The following GRM5 variants were observed in gnomAD, a reference collection of about 807,000 sequenced individuals.
The protein encoded by GRM5 is glutamate metabotropic receptor 5.
A neutral mutation model predicts 83.1 loss-of-function variants in GRM5; 19 were observed. The ratio of observed to expected loss-of-function variants is 0.23; its 90% CI spans 0.16 to 0.34. The LOEUF is 0.34. GRM5 is among the 10% of genes least tolerant of loss of function. The pLI, the probability that GRM5 is intolerant of heterozygous loss-of-function variation, is 1.00. For synonymous variants in GRM5, 675 were observed against 633.6 expected, an observed-to-expected ratio of 1.07 and a Z score of -0.98; for missense variants, 1,160 against 1,588.3, an observed-to-expected ratio of 0.73 and a Z score of 4.58.
chr11:88,825,312 C>T (rs1481742162), intron 3 of GRM5, among the ~76,000 whole-genome samples: 19 of 151,754 alleles, frequency 1.3e-4, no homozygotes, highest in Admixed American at 1.2e-3. Context: ...TTTTTGTGAA[C>T]ACCCCTCAAA....
intron 3 of GRM5, among the ~76,000 whole-genome samples, chr11:88,795,591 A>AT (rs1056434180): frequency 1.3e-5 from 2 of 152,192 alleles, no homozygotes; most frequent in African/African-American, 2.4e-5. Flanking sequence ...TATTGAACAG[A>AT]TTTTTTAATG....
At chr11:88,663,907 T>C (rs1041904602) in intron 3 of GRM5, among the ~76,000 whole-genome samples, 1 of 152,178 alleles carries the variant, frequency 6.6e-6, no homozygotes, top group Non-Finnish European at 1.5e-5. Context: ...TCAATGAATA[T>C]AAACCTCACC....
At chr11:88,843,809 G>C (rs1944249908) in intron 3 of GRM5, among the ~76,000 whole-genome samples, 1 of 152,156 alleles carries the variant, frequency 6.6e-6, no homozygotes, top group Admixed American at 6.5e-5. Flanking sequence ...AAGTTTTCAT[G>C]GTCTTGATAG....
At chr11:88,919,758 T>C (rs1343825792) in intron 2 of GRM5, among the ~76,000 whole-genome samples, 1 of 151,906 alleles carries the variant, frequency 6.6e-6, no homozygotes, top group Non-Finnish European at 1.5e-5. Flanking sequence ...CTTTGGAAAC[T>C]ATAAAAACAC....
At chr11:88,931,309 A>G (rs1937697176) in intron 2 of GRM5, among the ~76,000 whole-genome samples, 1 of 152,006 alleles carries the variant, frequency 6.6e-6, no homozygotes, top group Non-Finnish European at 1.5e-5. Context: ...TGATTATGCT[A>G]CATAATTGAG....
At chr11:88,890,117 C>T (rs377047323) in intron 2 of GRM5, among the ~76,000 whole-genome samples, 137 of 151,156 alleles carry the variant, frequency 9.1e-4, no homozygotes, top group African/African-American at 2.6e-3. Context: ...ATGGAAACAT[C>T]CCCACATCCC....
intron 9 of GRM5, among the ~76,000 whole-genome samples, chr11:88,524,591 G>A (rs1941816774): frequency 6.6e-6 from 1 of 152,226 alleles, no homozygotes; most frequent in South Asian, 2.1e-4. Context: ...CTTAGTTAAT[G>A]CTTATACTTC....
chr11:88,723,510 A>G (rs6416015), intron 3 of GRM5, among the ~76,000 whole-genome samples: 143,236 of 152,096 alleles, frequency 0.94, 67,691 homozygotes, highest in South Asian at 0.99. Context: ...AGCAATCAAT[A>G]AGACTTCCTG....
chr11:89,006,880 C>T (rs1940544344), intron 2 of GRM5, among the ~76,000 whole-genome samples: 1 of 152,230 alleles, frequency 6.6e-6, no homozygotes, highest in African/African-American at 2.4e-5. Context: ...TCACTGCAAG[C>T]TCCGCCTCCC....
intron 3 of GRM5, among the ~76,000 whole-genome samples, chr11:88,712,169 T>C (rs1227260286): frequency 6.6e-6 from 1 of 152,088 alleles, no homozygotes; most frequent in Non-Finnish European, 1.5e-5. Context: ...AGATATAACT[T>C]GGCTTTTTCA....
intron 2 of GRM5, among the ~76,000 whole-genome samples, chr11:88,923,149 C>T (rs995497353): frequency 6.6e-6 from 1 of 152,028 alleles, no homozygotes; most frequent in Non-Finnish European, 1.5e-5. Context: ...TGTGGAGGGT[C>T]CTCAGAAAAC....
intron 3 of GRM5, among the ~76,000 whole-genome samples, chr11:88,711,287 T>G (rs150475335): frequency 1.3e-5 from 2 of 152,194 alleles, no homozygotes; most frequent in Non-Finnish European, 2.9e-5. Context: ...CTGTCTATCC[T>G]CTTGCTGGTA....
At chr11:88,979,192 T>C (rs1371566481) in intron 2 of GRM5, among the ~76,000 whole-genome samples, 2 of 152,170 alleles carry the variant, frequency 1.3e-5, no homozygotes, top group Non-Finnish European at 2.9e-5. Flanking sequence ...TCTCCTGTGA[T>C]GAGTAATTAG....
At chr11:88,981,796 C>G (rs1427478670) in intron 2 of GRM5, among the ~76,000 whole-genome samples, 1 of 152,164 alleles carries the variant, frequency 6.6e-6, no homozygotes, top group African/African-American at 2.4e-5. Flanking sequence ...CTTTCTTCAT[C>G]TGAAGAATTA....
At chr11:88,560,965 G>C (rs1478784952) in intron 8 of GRM5, among the ~76,000 whole-genome samples, 1 of 152,174 alleles carries the variant, frequency 6.6e-6, no homozygotes, top group East Asian at 1.9e-4. Flanking sequence ...GGGAAAATCT[G>C]TGAGATGGGT....
chr11:88,657,564 C>A (rs753522524), intron 3 of GRM5, among the ~76,000 whole-genome samples: 26 of 152,120 alleles, frequency 1.7e-4, no homozygotes, highest in Non-Finnish European at 1.5e-5. Context: ...ACTTTCTTCC[C>A]AAGATTGCAT....
At chr11:88,977,608 T>C (rs1474900036) in intron 2 of GRM5, among the ~76,000 whole-genome samples, 1 of 152,234 alleles carries the variant, frequency 6.6e-6, no homozygotes, top group Admixed American at 6.5e-5. Flanking sequence ...AGGTCTTAAA[T>C]ATTTGAAGTG....
At chr11:88,798,755 G>A (rs78696327) in intron 3 of GRM5, among the ~76,000 whole-genome samples, 3,664 of 136,854 alleles carry the variant, frequency 0.027, 162 homozygotes, top group African/African-American at 0.097. Context: ...CCCTGACACT[G>A]AGTCAAAGTC....
At chr11:88,747,730 G>A (rs10501682) in intron 3 of GRM5, among the ~76,000 whole-genome samples, 22,389 of 150,554 alleles carry the variant, frequency 0.15, 1,958 homozygotes, top group African/African-American at 0.23. Flanking sequence ...ATCACGTAAC[G>A]AGGAGTAACA....
Sources: gnomAD v4.1 joint callset for allele counts (sites outside exome capture counted in the v4.1 genomes callset) on GRCh38, gnomAD v4.1.1 for gene constraint, MANE v1.5 for transcripts, NCBI Gene and HGNC (gene_info 2026-07-23, HGNC 2026-07-21) for gene names.